Variants in XYLB observed in about 807,000 individuals in gnomAD.
XYLB encodes xylulokinase.
Under a neutral mutation model 78.7 loss-of-function variants are expected in XYLB, and 62 were observed. The ratio of observed to expected loss-of-function variants is 0.79; its 90% CI spans 0.64 to 0.97. The LOEUF is 0.97. Ranked by LOEUF, XYLB falls within the 50% of genes least tolerant of loss-of-function variation. XYLB has a pLI of 0.00. For synonymous variants in XYLB, 245 were observed against 247.4 expected, an observed-to-expected ratio of 0.99 and a Z score of 0.09; for missense variants, 687 against 676.8, an observed-to-expected ratio of 1.02 and a Z score of -0.17.
At position 38,376,158 on chromosome 3, in the gene XYLB, A is replaced by T; in HGVS notation, c.1046A>T (p.Glu349Val). 1 of 1,614,074 alleles carries T rather than the reference A, an allele frequency of 6.2e-7. No individual in the cohort carries two copies. Among genetic ancestry groups the T allele is most frequent in the Non-Finnish European group, 8.5e-7 (1 of 1,179,986 alleles). ...CTCATGAGAGAGAAGATCCGCAACG[A>T]GTCTGTATCCCGTTCCTGGAGCGAT... Reference protein sequence around the residue: ...GSLMREKIRNESVSRSWSDFS... With the variant: ...GSLMREKIRNVSVSRSWSDFS... The change falls in exon 13 of 19, where the codon GAG (glutamate) becomes GTG (valine). Residue 349 changes from glutamate to valine, a missense_variant. Physicochemically the swap from Glu to Val is moderately radical, Grantham distance 121. Coordinates refer to ENST00000207870, the MANE Select transcript of XYLB (RefSeq NM_005108.4).
chr3:38,410,381 A>G (rs947100266), intron 18 of XYLB, among the ~76,000 whole-genome samples: 1 of 152,214 alleles, frequency 6.6e-6, no homozygotes, highest in Non-Finnish European at 1.5e-5. Context: ...ACAAAAATCA[A>G]TTCAAGATGG....
intron 2 of XYLB, chr3:38,355,774 GAGCCAC>G: frequency 1.4e-6 from 1 of 703,654 alleles, no homozygotes; most frequent in Non-Finnish European, 2.6e-6. Flanking sequence ...GAACATGACA[GAGCCAC>G]CATCAACCTG....
downstream of XYLB, among the ~76,000 whole-genome samples, chr3:38,419,600 ATAT>A (rs1559628794): frequency 2.4e-4 from 30 of 125,080 alleles, 6 homozygotes; most frequent in South Asian, 3.5e-3. Flanking sequence ...ATATATATAT[ATAT>A]AATAGCCATC....
downstream of XYLB, among the ~76,000 whole-genome samples, chr3:38,420,658 G>A (rs1186993683): frequency 1.3e-5 from 2 of 152,092 alleles, no homozygotes; most frequent in Admixed American, 6.5e-5. Context: ...AAAAATATAT[G>A]GCCCTTCAGA....
chr3:38,423,649 C>A (rs1709044816), downstream of XYLB, among the ~76,000 whole-genome samples: 1 of 152,198 alleles, frequency 6.6e-6, no homozygotes, highest in Non-Finnish European at 1.5e-5. Context: ...TGCCACAAGG[C>A]ATGTTAAACA....
chr3:38,419,273 C>T (rs552666911), downstream of XYLB, among the ~76,000 whole-genome samples: 38 of 151,816 alleles, frequency 2.5e-4, no homozygotes, highest in Admixed American at 4.6e-4. Context: ...AATAATATTC[C>T]GCTGTGTTTA....
chr3:38,379,724 G>A (rs186445484), intron 15 of XYLB, among the ~76,000 whole-genome samples: 7 of 152,296 alleles, frequency 4.6e-5, no homozygotes, highest in East Asian at 1.9e-4. Context: ...TGGCCTTCTA[G>A]CCTGGCCAGG....
the XYLB span, among the ~76,000 whole-genome samples, chr3:38,428,398 C>T: frequency 1.3e-5 from 2 of 152,132 alleles, no homozygotes; most frequent in Admixed American, 6.6e-5. Context: ...CTTGTTATAC[C>T]AATTACTGAG....
intron 14 of XYLB, among the ~76,000 whole-genome samples, chr3:38,377,442 C>CT (rs5848420): frequency 0.59 from 81,569 of 139,260 alleles, 23,651 homozygotes; most frequent in South Asian, 0.66. Context: ...ATTTACTTTT[C>CT]TTTTTTTTTT....
intron 18 of XYLB, among the ~76,000 whole-genome samples, chr3:38,402,693 T>C (rs997369839): frequency 7.9e-5 from 12 of 152,196 alleles, no homozygotes; most frequent in Middle Eastern, 3.2e-3. Context: ...TGCCTCCCTT[T>C]AACTTGCTAA....
chr3:38,411,018 A>T (rs1266501578), intron 18 of XYLB, among the ~76,000 whole-genome samples: 1 of 152,222 alleles, frequency 6.6e-6, no homozygotes, highest in South Asian at 2.1e-4. Context: ...TGACCCAGCC[A>T]TCCCATTACT....
At chr3:38,384,648 A>G (rs1707302403) in intron 15 of XYLB, among the ~76,000 whole-genome samples, 1 of 151,902 alleles carries the variant, frequency 6.6e-6, no homozygotes. Context: ...GAAATATGGA[A>G]TAAGAAGCAA....
At chr3:38,429,674 T>C in the XYLB span, among the ~76,000 whole-genome samples, 1 of 152,186 alleles carries the variant, frequency 6.6e-6, no homozygotes, top group Non-Finnish European at 1.5e-5. Context: ...GTCATTTACA[T>C]TGGGTATTTC....
chr3:38,402,587 C>T (rs1363240528), intron 18 of XYLB, among the ~76,000 whole-genome samples: 1 of 152,228 alleles, frequency 6.6e-6, no homozygotes, highest in Admixed American at 6.5e-5. Flanking sequence ...AGTTCTGATT[C>T]TTATTCTGCT....
chr3:38,359,512 A>T (rs1705855298), intron 2 of XYLB, among the ~76,000 whole-genome samples: 1 of 152,198 alleles, frequency 6.6e-6, no homozygotes, highest in South Asian at 2.1e-4. Context: ...CTCAGTATAG[A>T]TGAATTTGCG....
chr3:38,420,622 C>A (rs1017781891), exon 18 of XYLB, among the ~76,000 whole-genome samples: 3 of 152,162 alleles, frequency 2.0e-5, no homozygotes, highest in Non-Finnish European at 4.4e-5. Context: ...CTTTGTGGAA[C>A]TTTTAAGTGA....
chr3:38,365,754 G>A lies in XYLB; in HGVS notation c.507+18G>A. ...CCTATGAGGTAGGCTGAGGATGCGG[G>A]GGGTGCAGGGGGTGGTCTGGTTGCA... On this transcript the variant is annotated intron_variant, in intron 6 of 18. Transcript: ENST00000207870. The A allele has an allele frequency of 2.5e-6, 4 of 1,601,708 alleles. No individual in the cohort carries two copies. The highest frequency in any genetic ancestry group is 3.4e-6 in the Non-Finnish European group (4 of 1,173,036).
intron 10 of XYLB, 90 bp from the exon 11 acceptor site, chr3:38,374,372 G>T (rs369191362): frequency 1.3e-6 from 2 of 1,591,476 alleles, no homozygotes; most frequent in South Asian, 1.1e-5. Flanking sequence ...TTGGAGGTGG[G>T]GGCTCTGCGC....
intron 18 of XYLB, among the ~76,000 whole-genome samples, chr3:38,412,387 G>T (rs1247471211): frequency 6.6e-6 from 1 of 152,120 alleles, no homozygotes; most frequent in African/African-American, 2.4e-5. Context: ...ACTGCTACAT[G>T]GTCTTCCATT....
Sources: allele counts gnomAD v4.1 joint callset (sites outside exome capture counted in the v4.1 genomes callset), GRCh38; gene constraint gnomAD v4.1.1; transcripts MANE v1.5; gene names NCBI Gene and HGNC (gene_info 2026-07-23, HGNC 2026-07-21).